The following TRAPPC9 variants were observed in gnomAD, a reference collection of about 807,000 sequenced individuals.
TRAPPC9 encodes IKK2 binding protein.
Under a neutral mutation model 124.0 loss-of-function variants are expected in TRAPPC9, and 83 were observed. That is an observed-to-expected ratio of 0.67 (90% CI 0.56 to 0.80). The LOEUF is 0.80. TRAPPC9 is among the 30% of genes least tolerant of loss of function. TRAPPC9 has a pLI of 0.00. For missense variants in TRAPPC9, 1,302 were observed against 1,508.3 expected, an observed-to-expected ratio of 0.86 and a Z score of 2.27; for synonymous variants, 638 against 617.5, an observed-to-expected ratio of 1.03 and a Z score of -0.49.
At chr8:140,209,702 C>G (rs1173462861) in intron 17 of TRAPPC9, among the ~76,000 whole-genome samples, 1 of 152,190 alleles carries the variant, frequency 6.6e-6, no homozygotes, top group African/African-American at 2.4e-5. Context: ...AGAAACTTAA[C>G]TCCTTACAAT....
chr8:139,950,106 G>A (rs1188315236), intron 19 of TRAPPC9, among the ~76,000 whole-genome samples: 1 of 152,184 alleles, frequency 6.6e-6, no homozygotes, highest in Non-Finnish European at 1.5e-5. Context: ...GGCGAGGCGA[G>A]TGGTAAGTCC....
chr8:140,323,895 T>A (rs2066666431), intron 9 of TRAPPC9, among the ~76,000 whole-genome samples: 1 of 101,360 alleles, frequency 9.9e-6, no homozygotes, highest in Non-Finnish European at 2.0e-5. Flanking sequence ...TTAAAAAATA[T>A]ATTTTTTTTT....
intron 17 of TRAPPC9, among the ~76,000 whole-genome samples, chr8:140,038,324 C>T (rs1481225341): frequency 2.0e-5 from 3 of 152,226 alleles, no homozygotes; most frequent in Non-Finnish European, 4.4e-5. Context: ...CCACACGGGC[C>T]TCCAGCACCT....
intron 19 of TRAPPC9, among the ~76,000 whole-genome samples, chr8:139,916,005 G>A (rs1321793508): frequency 6.6e-6 from 1 of 152,216 alleles, no homozygotes; most frequent in Non-Finnish European, 1.5e-5. Context: ...AATCCTAGAT[G>A]GAGGAAAGGA....
intron 12 of TRAPPC9, among the ~76,000 whole-genome samples, chr8:140,288,076 C>T (rs1267426543): frequency 6.6e-6 from 1 of 152,212 alleles, no homozygotes; most frequent in Non-Finnish European, 1.5e-5. Flanking sequence ...CATGGTGGCT[C>T]ACACCTGTAA....
chr8:140,123,758 G>A (rs1013691736), intron 17 of TRAPPC9, among the ~76,000 whole-genome samples: 1 of 152,234 alleles, frequency 6.6e-6, no homozygotes, highest in African/African-American at 2.4e-5. Flanking sequence ...GTTTGTTACT[G>A]ATAGTATACT....
intron 18 of TRAPPC9, among the ~76,000 whole-genome samples, chr8:139,994,991 A>G (rs1386711635): frequency 6.6e-6 from 1 of 152,216 alleles, no homozygotes. Context: ...TTTAAAAAAA[A>G]AAAATGGTGA....
At chr8:139,834,595 AGTGGGGAC>A (rs1303002783) in intron 21 of TRAPPC9, among the ~76,000 whole-genome samples, 51 of 152,352 alleles carry the variant, frequency 3.3e-4, no homozygotes, top group African/African-American at 1.2e-3. Flanking sequence ...CCAGTGCACT[AGTGGGGAC>A]GTTGTCGCCC....
chr8:140,105,391 G>A (rs886873300), intron 17 of TRAPPC9, among the ~76,000 whole-genome samples: 6 of 152,184 alleles, frequency 3.9e-5, no homozygotes, highest in Non-Finnish European at 7.3e-5. Flanking sequence ...GATTCCCTGG[G>A]CTGGTCGGAT....
chr8:140,083,452 G>A (rs911193685), intron 17 of TRAPPC9, among the ~76,000 whole-genome samples: 1 of 152,114 alleles, frequency 6.6e-6, no homozygotes, highest in African/African-American at 2.4e-5. Context: ...GAGTGAATAA[G>A]GTAGAGCGCA....
intron 18 of TRAPPC9, among the ~76,000 whole-genome samples, chr8:139,997,393 T>C (rs1838076479): frequency 6.7e-6 from 1 of 149,226 alleles, no homozygotes; most frequent in Non-Finnish European, 1.5e-5. Flanking sequence ...AGGGAGACAA[T>C]GCATCCCACA....
At chr8:139,779,288 CAAA>C (rs1380006300) in intron 21 of TRAPPC9, among the ~76,000 whole-genome samples, 1 of 151,996 alleles carries the variant, frequency 6.6e-6, no homozygotes, top group Non-Finnish European at 1.5e-5. Context: ...TAAGGTGAAA[CAAA>C]GAATTTTTCA....
chr8:140,229,035 A>G (rs1474620277), intron 16 of TRAPPC9, among the ~76,000 whole-genome samples: 2 of 152,152 alleles, frequency 1.3e-5, no homozygotes, highest in Non-Finnish European at 2.9e-5. Flanking sequence ...TTTTTTTAAG[A>G]ATGACGGTGA....
At chr8:139,762,902 T>A (rs1292859307) in intron 21 of TRAPPC9, among the ~76,000 whole-genome samples, 1 of 152,042 alleles carries the variant, frequency 6.6e-6, no homozygotes, top group Non-Finnish European at 1.5e-5. Context: ...AGTTGCCTGG[T>A]GATGGGAGGT....
At chr8:140,445,982 G>A (rs2071237687) in intron 2 of TRAPPC9, among the ~76,000 whole-genome samples, 1 of 152,130 alleles carries the variant, frequency 6.6e-6, no homozygotes, top group Admixed American at 6.6e-5. Context: ...CACCAGTGAG[G>A]GACATTAGCG....
rs994387419 is a variant in TRAPPC9 at position 140,305,308 on chromosome 8, T to A, written c.1623-4694A>T. Among the ~76,000 whole-genome samples the A allele has an allele frequency of 5.3e-5, 8 of 151,486 alleles. 1 individual carries two copies. Among genetic ancestry groups the A allele is most frequent in the South Asian group, 4.2e-4 (2 of 4,798 alleles). ...GGTTACCTTAACTTGTTCTTTTTTT[T>A]GAGAGAGAGAGAGAGGGAGTATCGC... is the stretch of plus-strand genomic sequence containing the variant. On this transcript the variant is annotated intron_variant, in intron 10 of 22. Coordinates refer to ENST00000438773, the MANE Select transcript of TRAPPC9 (RefSeq NM_001160372.4).
intron 17 of TRAPPC9, among the ~76,000 whole-genome samples, chr8:140,147,722 G>A (rs1016911654): frequency 2.6e-5 from 4 of 152,152 alleles, no homozygotes; most frequent in African/African-American, 7.2e-5. Flanking sequence ...AACACTTCAC[G>A]GTTTTAAAAG....
intron 17 of TRAPPC9, among the ~76,000 whole-genome samples, chr8:140,213,246 G>C (rs1467748976): frequency 6.6e-6 from 1 of 151,956 alleles, no homozygotes; most frequent in Non-Finnish European, 1.5e-5. Flanking sequence ...GTCTATTGTG[G>C]TTGTCTATAT....
At chr8:139,752,120 A>G (rs1819351170) in intron 21 of TRAPPC9, among the ~76,000 whole-genome samples, 1 of 147,028 alleles carries the variant, frequency 6.8e-6, no homozygotes, top group South Asian at 2.2e-4. Context: ...CTGTTCATCT[A>G]CCATCCATCC....
Sources: allele counts gnomAD v4.1 joint callset (sites outside exome capture counted in the v4.1 genomes callset), GRCh38; gene constraint gnomAD v4.1.1; transcripts MANE v1.5; gene names NCBI Gene and HGNC (gene_info 2026-07-23, HGNC 2026-07-21).